Variants in ADGRV1 observed in about 807,000 individuals in gnomAD.
ADGRV1 encodes G-protein coupled receptor 98.
A neutral mutation model predicts 596.2 loss-of-function variants in ADGRV1; 359 were observed. The ratio of observed to expected loss-of-function variants is 0.60; its 90% CI spans 0.55 to 0.66. ADGRV1 has a LOEUF of 0.66. Among genes scored for constraint, ADGRV1 ranks in the 30% least tolerant of loss-of-function variants. ADGRV1 has a pLI of 0.00. For missense variants in ADGRV1, 7,274 were observed against 7,575.6 expected (o/e 0.96, Z 1.48); for synonymous variants, 2,681 against 2,679.2 (o/e 1.00, Z -0.02).
At position 90,811,336 on chromosome 5, in the gene ADGRV1, C is replaced by G; in HGVS notation, c.16076C>G (p.Thr5359Arg). The change falls in exon 74 of 90, where the codon ACA becomes AGA. Residue 5359 changes from threonine (T) to arginine (R), a missense_variant and splice_region_variant. Physicochemically the swap from Thr to Arg is moderately conservative, Grantham distance 71 (BLOSUM62 -1). This residue lies in a region of ADGRV1 where 1,874 missense variants were observed against 1,970.2 expected (regional missense o/e 0.95). Transcript: ENST00000405460. Reference sequence around the variant, plus strand: ...GCAGCTTTTGCCATGGTTATTATTACAGGTATATCTTTGAAATGATGGAGA... The same window carrying G: ...GCAGCTTTTGCCATGGTTATTATTAGAGGTATATCTTTGAAATGATGGAGA... ...GFAAFAMVII[T>R]GSDLHNGIIG... The G allele has an allele frequency of 1.9e-6, 3 of 1,581,348 alleles. No homozygotes were observed. Among genetic ancestry groups the G allele is most frequent in the Non-Finnish European group, 2.6e-6 (3 of 1,165,126 alleles).
intron 29 of ADGRV1, among the ~76,000 whole-genome samples, chr5:90,686,198 TTTTTTA>T (rs987073410): frequency 4.0e-5 from 6 of 151,666 alleles, no homozygotes; most frequent in East Asian, 1.9e-4. Context: ...ATTTTACAAT[TTTTTTA>T]TTTTTATTTT....
intron 85 of ADGRV1, among the ~76,000 whole-genome samples, chr5:91,063,069 C>T (rs763766097): frequency 6.6e-6 from 1 of 151,314 alleles, no homozygotes; most frequent in East Asian, 1.9e-4. Flanking sequence ...AGCGATCCTC[C>T]CACTTCACCC....
intron 87 of ADGRV1, among the ~76,000 whole-genome samples, chr5:91,109,547 A>G (rs1259503635): frequency 1.3e-5 from 2 of 152,176 alleles, no homozygotes; most frequent in East Asian, 1.9e-4. Flanking sequence ...TTGGGGTTCT[A>G]TGTTTCCTTA....
At chr5:91,083,368 G>A (rs1789585467) in intron 86 of ADGRV1, among the ~76,000 whole-genome samples, 2 of 151,976 alleles carry the variant, frequency 1.3e-5, no homozygotes, top group South Asian at 4.1e-4. Flanking sequence ...TTGTGCACAT[G>A]TACCCTAGAA....
chr5:90,937,488 A>C (rs752970820), intron 83 of ADGRV1, among the ~76,000 whole-genome samples: 29 of 131,598 alleles, frequency 2.2e-4, no homozygotes, highest in Middle Eastern at 5.1e-3. Context: ...GACGGAGTCT[A>C]GCTCTGTCGC....
intron 50 of ADGRV1, among the ~76,000 whole-genome samples, chr5:90,732,128 A>G (rs953204497): frequency 1.3e-5 from 2 of 152,234 alleles, no homozygotes; most frequent in East Asian, 1.9e-4. Flanking sequence ...AGCCTCCTGA[A>G]TAGCTAGGAC....
intron 71 of ADGRV1, among the ~76,000 whole-genome samples, chr5:90,804,771 G>T (rs1322841307): frequency 6.6e-6 from 1 of 152,034 alleles, no homozygotes; most frequent in Non-Finnish European, 1.5e-5. Context: ...CTTGATGCTT[G>T]TGATAAAGAT....
intron 21 of ADGRV1, among the ~76,000 whole-genome samples, chr5:90,662,664 GGTTA>G (rs1770558669): frequency 6.6e-6 from 1 of 151,108 alleles, no homozygotes; most frequent in South Asian, 2.1e-4. Context: ...ACATTGTGCA[GGTTA>G]GTTACATATG....
chr5:90,930,066 C>T (rs1775077382), intron 83 of ADGRV1, among the ~76,000 whole-genome samples: 1 of 152,136 alleles, frequency 6.6e-6, no homozygotes, highest in African/African-American at 2.4e-5. Flanking sequence ...GGCCTGACCA[C>T]TAAACATCTT....
intron 1 of ADGRV1, among the ~76,000 whole-genome samples, chr5:90,611,889 T>C (rs544550539): frequency 6.6e-6 from 1 of 152,140 alleles, no homozygotes; most frequent in South Asian, 2.1e-4. Flanking sequence ...ATTCAGCATT[T>C]GTGTAATTAT....
chr5:90,576,486 GC>G (rs1403853022), intron 1 of ADGRV1, among the ~76,000 whole-genome samples: 1 of 152,080 alleles, frequency 6.6e-6, no homozygotes, highest in Non-Finnish European at 1.5e-5. Context: ...GTGTATATGT[GC>G]CACATTTTCT....
chr5:90,988,447 T>C (rs998614845), intron 85 of ADGRV1, among the ~76,000 whole-genome samples: 2 of 152,218 alleles, frequency 1.3e-5, no homozygotes, highest in African/African-American at 2.4e-5. Flanking sequence ...CTTTAAATAC[T>C]GGTGTTTCCT....
At chr5:90,713,547 C>T (rs531582118) in intron 42 of ADGRV1, among the ~76,000 whole-genome samples, 1 of 152,152 alleles carries the variant, frequency 6.6e-6, no homozygotes, top group South Asian at 2.1e-4. Context: ...GTTTATTTAA[C>T]CTGAGGATAC....
At chr5:90,953,239 C>T (rs1777195900) in intron 83 of ADGRV1, among the ~76,000 whole-genome samples, 1 of 152,136 alleles carries the variant, frequency 6.6e-6, no homozygotes, top group Non-Finnish European at 1.5e-5. Context: ...CAAGTTTTGT[C>T]ATTGGTTAGC....
intron 9 of ADGRV1, among the ~76,000 whole-genome samples, chr5:90,634,807 A>G (rs1249676978): frequency 2.0e-5 from 2 of 102,494 alleles, no homozygotes; most frequent in South Asian, 7.0e-4. Flanking sequence ...TGTCTGTGGC[A>G]GTTAGTTATA....
At chr5:91,117,460 T>C (rs1562241368) in intron 87 of ADGRV1, among the ~76,000 whole-genome samples, 1 of 152,142 alleles carries the variant, frequency 6.6e-6, no homozygotes, top group Non-Finnish European at 1.5e-5. Context: ...ATTAAATCTT[T>C]GCGACAACCT....
chr5:90,823,296 CTATACTTTGGATGAAGAGGTACCATTTGG>C (rs1763764749), intron 75 of ADGRV1, 100 bp from the exon 76 acceptor site: 9 of 899,992 alleles, frequency 1.0e-5, no homozygotes, highest in Admixed American at 2.7e-5. Flanking sequence ...AAAGTAAGTG[CTATACTTTGGATGAAGAGGTACCATTTGG>C]TATACTTTGG....
intron 21 of ADGRV1, among the ~76,000 whole-genome samples, chr5:90,667,050 C>T (rs2149514644): frequency 6.6e-6 from 1 of 152,176 alleles, no homozygotes; most frequent in East Asian, 1.9e-4. Flanking sequence ...AATATTTTTT[C>T]CTTCATTTCA....
Position 90,880,227 on chromosome 5 carries a change from ATG to A in ADGRV1, c.17856+16376_17856+16377del, listed in dbSNP as rs372200551. On this transcript the variant is annotated intron_variant, in intron 83 of 89. Transcript: ENST00000405460. Reference sequence around the variant, plus strand: ...TGAAGCAGGGCTAAGATTTGAACCTATGTGTGTCTGATTCTCTTTTAACCACT... The same window carrying A: ...TGAAGCAGGGCTAAGATTTGAACCTATGTGTCTGATTCTCTTTTAACCACT... Among the ~76,000 whole-genome samples the A allele has an allele frequency of 5.3e-5, 8 of 152,208 alleles. No individual in the cohort carries two copies. The East Asian group carries it at 1.5e-3, about 29-fold the overall frequency.
Sources: allele counts gnomAD v4.1 joint callset (sites outside exome capture counted in the v4.1 genomes callset), GRCh38; gene constraint gnomAD v4.1.1; regional missense constraint gnomAD v4.1.1; transcripts MANE v1.5; gene names NCBI Gene and HGNC (gene_info 2026-07-23, HGNC 2026-07-21).